Variants in TRIM45 observed in about 807,000 individuals in gnomAD.
The protein encoded by TRIM45 is E3 ubiquitin-protein ligase TRIM45.
TRIM45 carries 45 observed loss-of-function variants against 46.7 expected under a neutral mutation model. The ratio of observed to expected loss-of-function variants is 0.96; its 90% CI spans 0.76 to 1.24. The LOEUF (loss-of-function observed/expected upper bound fraction) is 1.24, where lower values mean the gene tolerates loss of function less well. TRIM45 is among the 50% of genes most tolerant of loss of function. The pLI, the probability that TRIM45 is intolerant of heterozygous loss-of-function variation, is 0.00. For synonymous variants in TRIM45, 259 were observed against 285.8 expected (o/e 0.91, Z 0.94); for missense variants, 680 against 728.4 (o/e 0.93, Z 0.77).
chr1:117,123,449 C>T (rs139718943), upstream of TRIM45, among the ~76,000 whole-genome samples: 4 of 152,290 alleles, frequency 2.6e-5, no homozygotes, highest in Admixed American at 2.0e-4. Context: ...ATAATTTACA[C>T]GTGCAATATC....
Position 117,121,504 on chromosome 1 carries a change from G to A in TRIM45, c.-303C>T. 1 of 523,936 alleles carries A rather than the reference G, an allele frequency of 1.9e-6. No homozygotes were observed. Among genetic ancestry groups the A allele is most frequent in the Non-Finnish European group, 3.4e-6 (1 of 298,368 alleles). The allele number at this position is 523,936 out of a possible 1,614,324, so 32.5% of individuals were successfully genotyped here. On this transcript the variant is annotated 5_prime_UTR_variant, in exon 1 of 6. Coordinates refer to ENST00000256649, the MANE Select transcript of TRIM45 (RefSeq NM_025188.4). The surrounding 1 kb of genome is among the most constrained non-coding windows in gnomAD (Gnocchi z 4.2). ...CAGGTCTAGCTCTCCAGCTAGTCCTGCTGCCAACAAAGTCACCCCTGCACC... is the reference window on the plus strand; with the variant it reads ...CAGGTCTAGCTCTCCAGCTAGTCCTACTGCCAACAAAGTCACCCCTGCACC...
Position 117,112,176 on chromosome 1 carries a change from G to C in TRIM45, c.*129C>G. 1 of 964,102 alleles carries C rather than the reference G, an allele frequency of 1.0e-6. No homozygotes were observed. The highest frequency in any genetic ancestry group is 3.6e-4 in the Middle Eastern group (1 of 2,810). 59.7% of individuals were successfully genotyped at this position (964,102 alleles called of 1,614,324 possible). On this transcript the variant is annotated 3_prime_UTR_variant, in exon 6 of 6. Coordinates refer to ENST00000256649, the MANE Select transcript of TRIM45 (RefSeq NM_025188.4). The stretch of plus-strand genomic sequence containing the variant: ...GTGAATAACTAACAAAAGAGCACTT[G>C]AACTCCAGTGCAAGATAAGGCACTT...
Position 117,117,022 on chromosome 1 carries a change from C to T in TRIM45, c.1223-277G>A, listed in dbSNP as rs79746092. Reference sequence around the variant, plus strand: ...AGGTCCTATGCTTTAAAAATACTCACGACTGACCGAGGTATTTAAAGAAAA... The same window carrying T: ...AGGTCCTATGCTTTAAAAATACTCATGACTGACCGAGGTATTTAAAGAAAA... On this transcript the variant is annotated intron_variant, in intron 2 of 5. Transcript: ENST00000256649. The surrounding 1 kb of genome is among the most constrained non-coding windows in gnomAD (Gnocchi z 4.9). Among the ~76,000 whole-genome samples the T allele has an allele frequency of 0.01, 1,570 of 152,138 alleles. 30 individuals are homozygous for T. The highest frequency in any genetic ancestry group is 0.036 in the African/African-American group (1,502 of 41,486).
rs1650235237 is a variant in TRIM45 at position 117,112,108 on chromosome 1, G to A, written c.*197C>T. On this transcript the variant is annotated 3_prime_UTR_variant, in exon 6 of 6. Transcript: ENST00000256649. The stretch of plus-strand genomic sequence containing the variant: ...TTGCCAACCTACCTTTAAGAGAAAT[G>A]TAGAGGTGGTTTTTTGTGCTCAACC... 1 of 508,950 alleles carries A rather than the reference G, an allele frequency of 2.0e-6. No individual in the cohort carries two copies. Among genetic ancestry groups the A allele is most frequent in the African/African-American group, 2.0e-5 (1 of 50,794 alleles). 31.5% of individuals were successfully genotyped at this position (508,950 alleles called of 1,614,324 possible). A position where few individuals can be genotyped will look rare whatever the true frequency, so the allele number is the denominator to read the frequency against.
intron 4 of TRIM45, among the ~76,000 whole-genome samples, chr1:117,114,530 A>T (rs1401010279): frequency 6.6e-6 from 1 of 152,252 alleles, no homozygotes; most frequent in African/African-American, 2.4e-5. Context: ...CGAAAACGCA[A>T]AACAGAGAAC....
In TRIM45 at chr1:117,116,611, C is replaced by CA. The variant is rs1650411322; in HGVS notation, c.1352+4dup. On this transcript the variant is annotated splice_donor_region_variant and intron_variant, in intron 3 of 5. Transcript: ENST00000256649. This position sits in a 1 kb window ranked among gnomAD's most constrained non-coding sequence, Gnocchi z 4.6. Reference sequence around the variant, plus strand: ...ATCCATGACACCTAATTGTGTCATACAAACCTGTCTTTCTTATCTTTAGGG... The same window carrying CA: ...ATCCATGACACCTAATTGTGTCATACAAAACCTGTCTTTCTTATCTTTAGGG... 2 of 1,613,362 alleles carry CA rather than the reference C, an allele frequency of 1.2e-6. No homozygotes were observed. The highest frequency in any genetic ancestry group is 1.7e-6 in the Non-Finnish European group (2 of 1,179,808).
At chr1:117,122,935 C>G (rs1443231814), upstream of TRIM45, among the ~76,000 whole-genome samples, 2 of 151,656 alleles carry the variant, frequency 1.3e-5, no homozygotes, top group East Asian at 1.9e-4. Context: ...CAGTGGGCGA[C>G]TGTTTCACTT....
Position 117,118,092 on chromosome 1 carries a change from A to G in TRIM45, c.1164T>C (p.Ile388=), listed in dbSNP as rs1650469280. 6.2e-7 allele frequency: 1 copy of G among 1,614,070 alleles called. No individual in the cohort carries two copies. ...CCTCTTTGGTATTAATCGTACCATA[A>G]ATTTCATAGCCACGGCACTGGCCTG... ...EKAGQCRGYE[I]YGTINTKEVD... Residue 388 remains isoleucine, a synonymous_variant, in exon 2 of 6, where the codon ATT becomes ATC. Coordinates refer to ENST00000256649, the MANE Select transcript of TRIM45 (RefSeq NM_025188.4). The surrounding 1 kb of genome is among the most constrained non-coding windows in gnomAD (Gnocchi z 5.7).
chr1:117,120,979 C>T lies in TRIM45; in HGVS notation c.223G>A (p.Gly75Arg). The part of the protein sequence containing the change: ...RGGDSDTSSE[G>R]SIFQELKPRS... ...GGCTTGAGTTCCTGGAATATTGACC[C>T]CTCAGAGCTTGTGTCAGAGTCTCCC... The change falls in exon 1 of 6, where the codon GGG becomes AGG. Residue 75 changes from glycine (G) to arginine (R), a missense_variant. By Grantham distance (125) the Gly-to-Arg change is moderately radical (BLOSUM62 -2). Around this residue, in one of 3 missense-constraint regions of TRIM45, gnomAD observed 349 missense variants for 343.6 expected, o/e 1.02. Coordinates refer to ENST00000256649, the MANE Select transcript of TRIM45 (RefSeq NM_025188.4). 1 of 1,614,220 alleles carries T rather than the reference C, an allele frequency of 6.2e-7. No homozygotes were observed.
intron 1 of TRIM45, among the ~76,000 whole-genome samples, chr1:117,119,308 TAGAA>T (rs1650529102): frequency 6.6e-6 from 1 of 151,904 alleles, no homozygotes; most frequent in Non-Finnish European, 1.5e-5. Flanking sequence ...TCAACATCAT[TAGAA>T]AGCGTGAAAC....
At position 117,121,264 on chromosome 1, in the gene TRIM45, G is replaced by A. The variant is rs1457710311; in HGVS notation, c.-63C>T. The A allele has an allele frequency of 8.7e-6, 13 of 1,492,868 alleles. No individual in the cohort carries two copies. The highest frequency in any genetic ancestry group is 1.4e-5 in the South Asian group (1 of 72,144). 92.5% of individuals were successfully genotyped at this position (1,492,868 alleles called of 1,614,324 possible). On this transcript the variant is annotated 5_prime_UTR_variant, in exon 1 of 6. Coordinates refer to ENST00000256649, the MANE Select transcript of TRIM45 (RefSeq NM_025188.4). The surrounding 1 kb of genome is among the most constrained non-coding windows in gnomAD (Gnocchi z 4.2). The stretch of plus-strand genomic sequence containing the variant: ...GGGCAGTTCTACGATTTAGTAGCAG[G>A]TGATTAAGCCCACCCAAAGAGAAAG...
Position 117,115,502 on chromosome 1 carries a change from C to A in TRIM45, c.1467+73G>T. Reference sequence around the variant, plus strand: ...ATTCAATCTCTCTGTATAGCTGATCCTATGTGAAATGTCTCCAGATCCTAA... The same window carrying A: ...ATTCAATCTCTCTGTATAGCTGATCATATGTGAAATGTCTCCAGATCCTAA... On this transcript the variant is annotated intron_variant, in intron 4 of 5. Coordinates refer to ENST00000256649, the MANE Select transcript of TRIM45 (RefSeq NM_025188.4). This position sits in a 1 kb window ranked among gnomAD's most constrained non-coding sequence, Gnocchi z 4.2. The A allele has an allele frequency of 9.5e-7, 1 of 1,056,086 alleles. No individual in the cohort carries two copies. Among genetic ancestry groups the A allele is most frequent in the Non-Finnish European group, 1.5e-6 (1 of 677,414 alleles). 65.4% of individuals were successfully genotyped at this position (1,056,086 alleles called of 1,614,324 possible).
intron 5 of TRIM45, 121 bp from the exon 6 acceptor site, chr1:117,112,574 A>C (rs1156261286): frequency 9.9e-7 from 1 of 1,013,700 alleles, no homozygotes; most frequent in Non-Finnish European, 1.4e-6. Context: ...AAAATATCTA[A>C]GAAAATCTTG....
In TRIM45 at chr1:117,118,516, G is replaced by C; in HGVS notation, c.740C>G (p.Pro247Arg). 6.2e-7 allele frequency: 1 copy of C among 1,614,158 alleles called. No homozygotes were observed. The highest frequency in any genetic ancestry group is 8.5e-7 in the Non-Finnish European group (1 of 1,180,034). The change falls in exon 2 of 6, where the codon CCC becomes CGC. Residue 247 changes from proline to arginine, a missense_variant. By Grantham distance (103) the Pro-to-Arg change is moderately radical (BLOSUM62 -2). Transcript: ENST00000256649. This position sits in a 1 kb window ranked among gnomAD's most constrained non-coding sequence, Gnocchi z 5.7. ...SVWELLKGTQPHVEALEEALA... is the reference protein window; with the variant it reads ...SVWELLKGTQRHVEALEEALA... ...GGCTTCCTCCAGGGCCTCCACGTGGGGCTGAGTACCTTTGAGGAGCTCCCA... is the reference window on the plus strand; with the variant it reads ...GGCTTCCTCCAGGGCCTCCACGTGGCGCTGAGTACCTTTGAGGAGCTCCCA...
At chr1:117,119,576 C>T (rs1464919446) in intron 1 of TRIM45, among the ~76,000 whole-genome samples, 1 of 151,286 alleles carries the variant, frequency 6.6e-6, no homozygotes, top group Non-Finnish European at 1.5e-5. Context: ...TATTGCACTC[C>T]AGCCTGGGCG....
In TRIM45 at chr1:117,117,888, G is replaced by GA; in HGVS notation, c.1222+145_1222+146insT. On this transcript the variant is annotated intron_variant, in intron 2 of 5. Coordinates refer to ENST00000256649, the MANE Select transcript of TRIM45 (RefSeq NM_025188.4). The surrounding 1 kb of genome is among the most constrained non-coding windows in gnomAD (Gnocchi z 4.9). ...ACAAACCAGAAAGGGCAAAGGTGGG[G>GA]GTCACTGTCTTTCAGATCAGTTTAT... is the stretch of plus-strand genomic sequence containing the variant. 1 of 1,057,576 alleles carries GA rather than the reference G, an allele frequency of 9.5e-7. No individual in the cohort carries two copies. The highest frequency in any genetic ancestry group is 1.4e-6 in the Non-Finnish European group (1 of 730,624). 65.5% of individuals were successfully genotyped at this position (1,057,576 alleles called of 1,614,324 possible).
At chr1:117,123,201 A>G (rs896832053), upstream of TRIM45, among the ~76,000 whole-genome samples, 13 of 152,348 alleles carry the variant, frequency 8.5e-5, no homozygotes, top group African/African-American at 3.1e-4. Flanking sequence ...GTCCTTACCT[A>G]GATTTTTTTC....
chr1:117,115,783 A>G lies in TRIM45; in HGVS notation c.1353-94T>C. On this transcript the variant is annotated intron_variant, in intron 3 of 5. Coordinates refer to ENST00000256649, the MANE Select transcript of TRIM45 (RefSeq NM_025188.4). This position sits in a 1 kb window ranked among gnomAD's most constrained non-coding sequence, Gnocchi z 4.2. ...ATGTAAACTCTACACCATCCCATTC[A>G]GTATTAATGTTAAATATACCCAAAC... 1 of 792,432 alleles carries G rather than the reference A, an allele frequency of 1.3e-6. No individual in the cohort carries two copies. The highest frequency in any genetic ancestry group is 2.1e-6 in the Non-Finnish European group (1 of 467,046). 49.1% of individuals were successfully genotyped at this position (792,432 alleles called of 1,614,324 possible). A position where few individuals can be genotyped will look rare whatever the true frequency, so the allele number is the denominator to read the frequency against.
chr1:117,114,978 C>CT (rs1400061301), intron 4 of TRIM45, among the ~76,000 whole-genome samples: 2 of 152,174 alleles, frequency 1.3e-5, no homozygotes, highest in Non-Finnish European at 2.9e-5. Flanking sequence ...TTTTTAAAAA[C>CT]TCATACTCTC....
Sources: allele counts gnomAD v4.1 joint callset (sites outside exome capture counted in the v4.1 genomes callset), GRCh38; gene constraint gnomAD v4.1.1; regional missense constraint gnomAD v4.1.1; non-coding constraint Gnocchi (gnomAD v3.1); transcripts MANE v1.5; gene names NCBI Gene and HGNC (gene_info 2026-07-23, HGNC 2026-07-21).